Variants in TENM2 observed in about 807,000 individuals in gnomAD.
The protein encoded by TENM2 is teneurin transmembrane protein 2, also known as teneurin-2.
A neutral mutation model predicts 245.2 loss-of-function variants in TENM2; 52 were observed. The ratio of observed to expected loss-of-function variants is 0.21; its 90% CI spans 0.17 to 0.27. The LOEUF (loss-of-function observed/expected upper bound fraction) is 0.27, where lower values mean the gene tolerates loss of function less well. TENM2 is among the 10% of genes least tolerant of loss of function. The pLI is 1.00. For missense variants in TENM2, 3,046 were observed against 3,666.8 expected (o/e 0.83, Z 4.37); for synonymous variants, 1,363 against 1,438.9 (o/e 0.95, Z 1.19).
intron 9 of TENM2, among the ~76,000 whole-genome samples, chr5:168,098,674 G>A (rs1212709443): frequency 6.6e-6 from 1 of 152,098 alleles, no homozygotes; most frequent in African/African-American, 2.4e-5. Context: ...AGAATTTAGA[G>A]GCTGCACACC....
At chr5:167,790,158 C>A (rs1424407207) in intron 2 of TENM2, among the ~76,000 whole-genome samples, 1 of 151,878 alleles carries the variant, frequency 6.6e-6, no homozygotes, top group African/African-American at 2.4e-5. Flanking sequence ...GGCTTTGATT[C>A]CTGCACAGAG....
At chr5:167,547,677 A>T (rs1772657772) in intron 2 of TENM2, among the ~76,000 whole-genome samples, 1 of 152,214 alleles carries the variant, frequency 6.6e-6, no homozygotes, top group Non-Finnish European at 1.5e-5. Flanking sequence ...AGGCTCAAAG[A>T]GGTCTTATGC....
intron 6 of TENM2, among the ~76,000 whole-genome samples, chr5:168,052,967 C>T (rs1380892076): frequency 6.6e-6 from 1 of 152,196 alleles, no homozygotes; most frequent in Non-Finnish European, 1.5e-5. Context: ...ATGCGTGGTA[C>T]TAGGAGCCAG....
intron 2 of TENM2, among the ~76,000 whole-genome samples, chr5:167,454,460 G>A (rs980903331): frequency 6.6e-6 from 1 of 151,668 alleles, no homozygotes; most frequent in African/African-American, 2.4e-5. Context: ...AACTGTGTGT[G>A]TGTGTGTGTG....
intron 2 of TENM2, among the ~76,000 whole-genome samples, chr5:167,736,466 G>A (rs975370213): frequency 2.0e-5 from 3 of 151,808 alleles, no homozygotes; most frequent in Non-Finnish European, 2.9e-5. Context: ...ATTTTATAGG[G>A]GTCAAAAATG....
At chr5:167,302,475 AG>A (rs1208466176) in intron 1 of TENM2, among the ~76,000 whole-genome samples, 1 of 136,032 alleles carries the variant, frequency 7.4e-6, no homozygotes, top group Non-Finnish European at 1.6e-5. Flanking sequence ...GAAAGGGGTC[AG>A]GGTGGGGAAA....
intron 2 of TENM2, among the ~76,000 whole-genome samples, chr5:167,762,148 C>G (rs887343478): frequency 1.3e-5 from 2 of 151,790 alleles, no homozygotes; most frequent in African/African-American, 2.4e-5. Flanking sequence ...CTCTCTCTCT[C>G]TCATGCATAC....
At chr5:167,131,183 A>C in the TENM2 span, among the ~76,000 whole-genome samples, 1 of 152,146 alleles carries the variant, frequency 6.6e-6, no homozygotes, top group Non-Finnish European at 1.5e-5. Context: ...GAGACCTGGA[A>C]ATGTTCTCAC....
At chr5:168,223,079 C>T (rs1046127057) in intron 23 of TENM2, among the ~76,000 whole-genome samples, 9 of 152,224 alleles carry the variant, frequency 5.9e-5, no homozygotes, top group African/African-American at 2.2e-4. Context: ...CATCTGAAGA[C>T]GTTCCTTGGG....
intron 26 of TENM2, among the ~76,000 whole-genome samples, chr5:168,245,975 G>A (rs2152689225): frequency 6.6e-6 from 1 of 152,018 alleles, no homozygotes; most frequent in Non-Finnish European, 1.5e-5. Context: ...GCTCACACCT[G>A]TAATCCCAGC....
At chr5:167,628,715 A>T (rs999172112) in intron 2 of TENM2, among the ~76,000 whole-genome samples, 1 of 152,212 alleles carries the variant, frequency 6.6e-6, no homozygotes, top group African/African-American at 2.4e-5. Flanking sequence ...ATACTTTTGG[A>T]CAAATAACCT....
chr5:167,413,845 A>G (rs912818933), intron 2 of TENM2, among the ~76,000 whole-genome samples: 2 of 152,214 alleles, frequency 1.3e-5, no homozygotes, highest in Non-Finnish European at 1.5e-5. Context: ...ACTTAAAAAC[A>G]CATTAGGTGG....
intron 2 of TENM2, chr5:167,653,964 A>G (rs1196375195): frequency 1.3e-5 from 2 of 151,944 alleles, no homozygotes; most frequent in East Asian, 1.9e-4. Context: ...TCAATTCTTG[A>G]CACTGTCTCT....
chr5:167,820,027 T>C (rs778931634), intron 2 of TENM2, among the ~76,000 whole-genome samples: 22 of 152,296 alleles, frequency 1.4e-4, no homozygotes, highest in Non-Finnish European at 2.5e-4. Context: ...GTCAATTTCC[T>C]AAACCCAGGG....
chr5:167,293,028 G>T (rs1169980863), intron 1 of TENM2, among the ~76,000 whole-genome samples: 1 of 152,234 alleles, frequency 6.6e-6, no homozygotes. Context: ...GGCAGAGAGA[G>T]ACAGTCATGA....
At chr5:168,258,956 A>G (rs1396803631) in intron 27 of TENM2, among the ~76,000 whole-genome samples, 2 of 149,874 alleles carry the variant, frequency 1.3e-5, no homozygotes, top group Non-Finnish European at 3.0e-5. Flanking sequence ...GCCAAGGTGG[A>G]AGGATCACCT....
At chr5:168,132,532 G>C (rs967490817) in intron 12 of TENM2, among the ~76,000 whole-genome samples, 2 of 152,218 alleles carry the variant, frequency 1.3e-5, no homozygotes, top group African/African-American at 2.4e-5. Flanking sequence ...TACTGTTTCA[G>C]GGGAACTGGT....
the TENM2 span, among the ~76,000 whole-genome samples, chr5:167,120,520 A>G: frequency 6.6e-6 from 1 of 152,198 alleles, no homozygotes; most frequent in African/African-American, 2.4e-5. Context: ...GAAGAGGAAA[A>G]TAAGTAATTA....
intron 3 of TENM2, among the ~76,000 whole-genome samples, chr5:167,876,815 G>C (rs1773466193): frequency 6.6e-6 from 1 of 152,072 alleles, no homozygotes; most frequent in Non-Finnish European, 1.5e-5. Flanking sequence ...GGTAAATACT[G>C]CCTCTAAATC....
Sources: allele counts gnomAD v4.1 joint callset (sites outside exome capture counted in the v4.1 genomes callset), GRCh38; gene constraint gnomAD v4.1.1; transcripts MANE v1.5; gene names NCBI Gene and HGNC (gene_info 2026-07-23, HGNC 2026-07-21).